Variants in MAF observed in about 807,000 individuals in gnomAD.
MAF encodes MAF bZIP transcription factor.
A neutral mutation model predicts 22.0 loss-of-function variants in MAF; 10 were observed. The ratio of observed to expected loss-of-function variants is 0.45; its 90% confidence interval spans 0.28 to 0.77. The LOEUF is 0.77. Ranked by LOEUF, MAF falls within the 30% of genes least tolerant of loss-of-function variation. The pLI is 0.12. For synonymous variants in MAF, 337 were observed against 255.8 expected (o/e 1.32, Z -3.03); for missense variants, 544 against 548.4 (o/e 0.99, Z 0.08).
the MAF span, among the ~76,000 whole-genome samples, chr16:79,513,419 G>A: frequency 6.6e-6 from 1 of 152,224 alleles, no homozygotes; most frequent in African/African-American, 2.4e-5. Flanking sequence ...GCTGTCATGA[G>A]GATTTGAGAT....
chr16:79,517,584 T>C, the MAF span, among the ~76,000 whole-genome samples: 38 of 148,054 alleles, frequency 2.6e-4, no homozygotes, highest in Middle Eastern at 0.014. Context: ...TTTTTTTTTT[T>C]TTTTTTTTGA....
At chr16:79,250,290 A>G in the MAF span, among the ~76,000 whole-genome samples, 1 of 152,196 alleles carries the variant, frequency 6.6e-6, no homozygotes, top group Admixed American at 6.5e-5. Flanking sequence ...ACAAAAGAGG[A>G]CTTCTGGTGA....
chr16:79,241,424 G>A, the MAF span, among the ~76,000 whole-genome samples: 1 of 152,030 alleles, frequency 6.6e-6, no homozygotes, highest in Non-Finnish European at 1.5e-5. Flanking sequence ...GAATTGATCA[G>A]ACAGAAGAAA....
the MAF span, among the ~76,000 whole-genome samples, chr16:79,214,689 G>A: frequency 1.5e-5 from 2 of 135,180 alleles, no homozygotes; most frequent in African/African-American, 5.4e-5. Context: ...ACAGGTGTGA[G>A]CCACTGTGCC....
chr16:79,394,647 G>A, the MAF span, among the ~76,000 whole-genome samples: 1 of 152,160 alleles, frequency 6.6e-6, no homozygotes, highest in Non-Finnish European at 1.5e-5. Context: ...ATTTGGGCAG[G>A]AGAACTCATA....
At chr16:79,213,927 C>G in the MAF span, among the ~76,000 whole-genome samples, 1 of 152,118 alleles carries the variant, frequency 6.6e-6, no homozygotes, top group East Asian at 1.9e-4. Context: ...TGGTCTCCAG[C>G]TACCTCTCTA....
At chr16:79,359,804 G>A in the MAF span, among the ~76,000 whole-genome samples, 1 of 152,138 alleles carries the variant, frequency 6.6e-6, no homozygotes, top group Non-Finnish European at 1.5e-5. Context: ...TGGCATTCAG[G>A]AGGGAGTCCA....
chr16:79,552,612 A>G, the MAF span, among the ~76,000 whole-genome samples: 1 of 152,098 alleles, frequency 6.6e-6, no homozygotes, highest in Admixed American at 6.5e-5. Flanking sequence ...TCAATTCCTC[A>G]AAAATTAGCT....
the MAF span, among the ~76,000 whole-genome samples, chr16:79,333,917 C>T: frequency 9.9e-5 from 15 of 152,000 alleles, no homozygotes; most frequent in Non-Finnish European, 1.8e-4. Flanking sequence ...TATCTGATGC[C>T]GGATCGCAGC....
chr16:79,390,720 G>A, the MAF span, among the ~76,000 whole-genome samples: 2 of 152,146 alleles, frequency 1.3e-5, no homozygotes, highest in African/African-American at 2.4e-5. Flanking sequence ...ACTTAGAAAC[G>A]ACTTGTGAGA....
the MAF span, among the ~76,000 whole-genome samples, chr16:79,424,768 G>A: frequency 3.3e-5 from 5 of 152,116 alleles, no homozygotes; most frequent in East Asian, 5.8e-4. Context: ...GGCTGTTGTT[G>A]GTTCTATCCT....
chr16:79,211,760 G>A, the MAF span: 2 of 1,614,156 alleles, frequency 1.2e-6, no homozygotes, highest in Non-Finnish European at 1.7e-6. Flanking sequence ...TCAGCGAGAG[G>A]CTGATCCAAG....
At chr16:79,520,807 G>C in the MAF span, among the ~76,000 whole-genome samples, 2 of 152,186 alleles carry the variant, frequency 1.3e-5, no homozygotes, top group Non-Finnish European at 2.9e-5. Flanking sequence ...TGCTGGGAAG[G>C]TTGTTATTGC....
the MAF span, among the ~76,000 whole-genome samples, chr16:79,420,330 C>T: frequency 1.3e-5 from 2 of 152,152 alleles, no homozygotes; most frequent in Admixed American, 6.5e-5. Context: ...CAGGCAGCAG[C>T]GACGGCAGAC....
chr16:79,530,891 A>G, the MAF span, among the ~76,000 whole-genome samples: 1 of 152,220 alleles, frequency 6.6e-6, no homozygotes, highest in East Asian at 1.9e-4. Context: ...CTCTGTAGCC[A>G]GAAAGGACTC....
chr16:79,230,718 G>A, the MAF span, among the ~76,000 whole-genome samples: 17 of 151,938 alleles, frequency 1.1e-4, no homozygotes, highest in Admixed American at 4.6e-4. Flanking sequence ...TTCCATTTTC[G>A]CATGATGGAG....
the MAF span, chr16:79,211,546 T>G: frequency 1.2e-6 from 2 of 1,609,376 alleles, no homozygotes; most frequent in Non-Finnish European, 1.7e-6. Flanking sequence ...GCAGTCGAAA[T>G]GACGCCATCT....
At chr16:79,280,591 C>A in the MAF span, among the ~76,000 whole-genome samples, 2 of 152,170 alleles carry the variant, frequency 1.3e-5, no homozygotes, top group African/African-American at 4.8e-5. Flanking sequence ...CTGCTTGAAG[C>A]AAGGACCAAG....
At chr16:79,438,542 C>T in the MAF span, among the ~76,000 whole-genome samples, 4 of 152,152 alleles carry the variant, frequency 2.6e-5, no homozygotes, top group Middle Eastern at 3.2e-3. Flanking sequence ...GTCAGTGGCT[C>T]CTGCAGACAT....
Sources: allele counts gnomAD v4.1 joint callset (sites outside exome capture counted in the v4.1 genomes callset), GRCh38; gene constraint gnomAD v4.1.1; transcripts MANE v1.5; gene names NCBI Gene and HGNC (gene_info 2026-07-23, HGNC 2026-07-21).